MAP3K4: variants seen among roughly 807,000 people sequenced by gnomAD.
MAP3K4 encodes the protein mitogen-activated protein kinase kinase kinase 4, also known as MAP three kinase 1.
Under a neutral mutation model 185.6 loss-of-function variants are expected in MAP3K4, and 67 were observed. That is an observed-to-expected ratio of 0.36 (90% CI 0.30 to 0.44). The LOEUF (loss-of-function observed/expected upper bound fraction) is 0.44. MAP3K4 is among the 20% of genes least tolerant of loss of function. MAP3K4 has a pLI of 1.00. For synonymous variants in MAP3K4, 702 were observed against 710.4 expected, an observed-to-expected ratio of 0.99 and a Z score of 0.19; for missense variants, 1,551 against 1,995.1, an observed-to-expected ratio of 0.78 and a Z score of 4.24.
rs1778588287 is a variant in MAP3K4 at position 161,116,225 on chromosome 6, TG to T, written c.4807-622del. Among the ~76,000 whole-genome samples, 3 of 151,966 alleles carry T rather than the reference TG, an allele frequency of 2.0e-5. No individual in the cohort carries two copies. The South Asian group carries it at 6.2e-4, about 32-fold the overall frequency. ...GGGTGAGGGGTGGGTCGGGAGGTGGTGGGTCCTCTTTGGTGGATGAAGCTTG... is the reference window on the plus strand; with the variant it reads ...GGGTGAGGGGTGGGTCGGGAGGTGGTGGTCCTCTTTGGTGGATGAAGCTTG... On this transcript the variant is annotated intron_variant, in intron 26 of 26. Transcript: ENST00000392142. This position sits in a 1 kb window ranked among gnomAD's most constrained non-coding sequence, Gnocchi z 6.2.
rs1324249466 is a variant in MAP3K4, at chr6:161,088,540, T to TA, written c.2823+587dup. Among the ~76,000 whole-genome samples the TA allele has an allele frequency of 2.6e-5, 4 of 152,336 alleles. No homozygotes were observed. In the East Asian group the frequency reaches 5.8e-4, roughly 22 times the overall value. On this transcript the variant is annotated intron_variant, in intron 10 of 26. Coordinates refer to ENST00000392142, the MANE Select transcript of MAP3K4 (RefSeq NM_005922.4). This position sits in a 1 kb window ranked among gnomAD's most constrained non-coding sequence, Gnocchi z 4.5. ...CCTCACCCCAACAACTCTGCTTTTA[T>TA]ATTCCGTCTCAGTGAATGGTTCCGC... is the stretch of plus-strand genomic sequence containing the variant.
At chr6:161,102,802 TAAA>T (rs397886595) in intron 19 of MAP3K4, 23 bp downstream of exon 19, 23,081 of 588,610 alleles carry the variant, frequency 0.039, no homozygotes, top group South Asian at 0.05. Flanking sequence ...GTGTTGAAGT[TAAA>T]AAAAAAAAAA....
intron 19 of MAP3K4, among the ~76,000 whole-genome samples, chr6:161,104,486 G>A (rs1777974334): frequency 6.6e-6 from 1 of 151,754 alleles, no homozygotes; most frequent in Non-Finnish European, 1.5e-5. Flanking sequence ...GGCCAAGGCA[G>A]GTGGATCACG....
chr6:161,057,732 A>T (rs910984597), intron 3 of MAP3K4, among the ~76,000 whole-genome samples: 3 of 152,210 alleles, frequency 2.0e-5, no homozygotes, highest in African/African-American at 7.2e-5. Flanking sequence ...CAGTTGTTAG[A>T]GTTAACTTAT....
At position 161,049,335 on chromosome 6, in the gene MAP3K4, A is replaced by C. The variant is rs750870719; in HGVS notation, c.1063A>C (p.Lys355Gln). 1.9e-6 allele frequency: 3 copies of C among 1,614,184 alleles called. No individual in the cohort carries two copies. The Admixed American group carries it at 5.0e-5, about 27-fold the overall frequency. ...QRQRVSFEQV[K>Q]RIMELLEYIE... ...CCAGAGGGTCTCATTTGAGCAGGTA[A>C]AACGGATAATGGAGCTGCTAGAGTA... Residue 355 changes from lysine (K) to glutamine (Q), a missense_variant, in exon 3 of 27, where the codon AAA becomes CAA. Physicochemically the swap from Lys to Gln is moderately conservative, Grantham distance 53. Coordinates refer to ENST00000392142, the MANE Select transcript of MAP3K4 (RefSeq NM_005922.4). This position sits in a 1 kb window ranked among gnomAD's most constrained non-coding sequence, Gnocchi z 8.4.
Position 161,114,398 on chromosome 6 carries a change from G to A in MAP3K4, c.4627-725G>A, listed in dbSNP as rs115932174. On this transcript the variant is annotated intron_variant, in intron 25 of 26. Transcript: ENST00000392142. This position sits in a 1 kb window ranked among gnomAD's most constrained non-coding sequence, Gnocchi z 4.3. Reference sequence around the variant, plus strand: ...GTGTTAAGTTACTAGTAGGAAATCAGTTAATTATAATGTAGCTATGCCTTG... The same window carrying A: ...GTGTTAAGTTACTAGTAGGAAATCAATTAATTATAATGTAGCTATGCCTTG... Among the ~76,000 whole-genome samples the A allele has an allele frequency of 0.011, 1,733 of 152,282 alleles. 25 individuals carry two copies. Among genetic ancestry groups the A allele is most frequent in the African/African-American group, 0.039 (1,625 of 41,562 alleles).
At position 161,091,405 on chromosome 6, in the gene MAP3K4, G is replaced by C; in HGVS notation, c.3000G>C (p.Arg1000Ser). 1 of 1,613,994 alleles carries C rather than the reference G, an allele frequency of 6.2e-7. No individual in the cohort carries two copies. The highest frequency in any genetic ancestry group is 2.2e-5 in the East Asian group (1 of 44,856). ...ATGATGCATTGGAGCTATGCAACAG[G>C]ATAAGCAATGCCATTGACCGCGTGG... ...LKNDALELCN[R>S]ISNAIDRVDH... is the part of the protein sequence containing the mutation. Residue 1000 changes from arginine to serine, a missense_variant, in exon 12 of 27, where the codon AGG becomes AGC. This residue lies in a region of MAP3K4 where 261 missense variants were observed against 306.5 expected (regional missense o/e 0.85). Coordinates refer to ENST00000392142, the MANE Select transcript of MAP3K4 (RefSeq NM_005922.4). The surrounding 1 kb of genome is among the most constrained non-coding windows in gnomAD (Gnocchi z 5.5).
chr6:161,055,129 G>A (rs1454509965), intron 3 of MAP3K4, among the ~76,000 whole-genome samples: 1 of 152,110 alleles, frequency 6.6e-6, no homozygotes, highest in Non-Finnish European at 1.5e-5. Flanking sequence ...TCAATGACAG[G>A]GATTGTCTTG....
intron 2 of MAP3K4, among the ~76,000 whole-genome samples, chr6:161,042,770 C>T (rs766017631): frequency 1.3e-5 from 2 of 152,070 alleles, no homozygotes; most frequent in Non-Finnish European, 2.9e-5. Context: ...AAGCCAAAAC[C>T]CTTTCCAGGG....
At chr6:161,072,436 G>A (rs183161345) in intron 4 of MAP3K4, among the ~76,000 whole-genome samples, 8 of 152,266 alleles carry the variant, frequency 5.3e-5, no homozygotes, top group African/African-American at 1.4e-4. Context: ...ATGTGTGTGT[G>A]TGAGTTTTTT....
At chr6:161,038,518 A>G (rs1783288573) in intron 2 of MAP3K4, among the ~76,000 whole-genome samples, 2 of 152,260 alleles carry the variant, frequency 1.3e-5, no homozygotes, top group Admixed American at 6.5e-5. Context: ...TCTCTGAGTC[A>G]TACTATTAAC....
At chr6:161,019,422 C>A (rs10080366) in intron 1 of MAP3K4, among the ~76,000 whole-genome samples, 1 of 152,122 alleles carries the variant, frequency 6.6e-6, no homozygotes, top group East Asian at 1.9e-4. Context: ...CTCTTTCTTT[C>A]TATTTTTGAG....
At chr6:161,099,832 A>G (rs896651898) in intron 17 of MAP3K4, among the ~76,000 whole-genome samples, 3 of 152,232 alleles carry the variant, frequency 2.0e-5, no homozygotes, top group Admixed American at 1.3e-4. Flanking sequence ...GTATTTTAGT[A>G]TAAGAGTTAA....
At chr6:161,025,531 A>G (rs969834368) in intron 1 of MAP3K4, among the ~76,000 whole-genome samples, 6 of 152,190 alleles carry the variant, frequency 3.9e-5, no homozygotes, top group African/African-American at 1.4e-4. Context: ...CATAGGCCAT[A>G]TTTACAGTTA....
Position 161,067,295 on chromosome 6 carries a change from AGG to A in MAP3K4, c.1708-3312_1708-3311del, listed in dbSNP as rs1428083485. 2.3e-6 allele frequency: 1 copy of A among 430,240 alleles called. No homozygotes were observed. The highest frequency in any genetic ancestry group is 4.7e-6 in the Non-Finnish European group (1 of 214,652). 26.7% of individuals were successfully genotyped at this position (430,240 alleles called of 1,614,324 possible). ...AGCAGGGATGGGGCTTGCAGGTCAC[AGG>A]TAGGTAAGAGACAAAACGTTACATT... On this transcript the variant is annotated intron_variant, in intron 3 of 26. Coordinates refer to ENST00000392142, the MANE Select transcript of MAP3K4 (RefSeq NM_005922.4). This position sits in a 1 kb window ranked among gnomAD's most constrained non-coding sequence, Gnocchi z 6.3.
intron 1 of MAP3K4, among the ~76,000 whole-genome samples, chr6:161,024,893 A>G (rs1251186668): frequency 2.6e-5 from 4 of 152,016 alleles, no homozygotes; most frequent in Non-Finnish European, 4.4e-5. Context: ...AATTATTTGG[A>G]TTTTTATTTT....
rs570428630 is a variant in MAP3K4, at chr6:161,034,088, A to T, written c.153-171A>T. Among the ~76,000 whole-genome samples, 1 of 152,358 alleles carries T rather than the reference A, an allele frequency of 6.6e-6. No individual in the cohort carries two copies. Among genetic ancestry groups the T allele is most frequent in the Admixed American group, 6.5e-5 (1 of 15,300 alleles). On this transcript the variant is annotated intron_variant, in intron 1 of 26. Coordinates refer to ENST00000392142, the MANE Select transcript of MAP3K4 (RefSeq NM_005922.4). The surrounding 1 kb of genome is among the most constrained non-coding windows in gnomAD (Gnocchi z 4.4). ...TCACAATTATTACTCTCTTCAAGCA[A>T]AAGAAAAGTTCTCCTTTTGAGTTTT...
intron 17 of MAP3K4, among the ~76,000 whole-genome samples, chr6:161,099,201 G>T (rs1777719863): frequency 6.6e-6 from 1 of 152,180 alleles, no homozygotes; most frequent in African/African-American, 2.4e-5. Context: ...TAGATTGGGG[G>T]TATGTGATCT....
chr6:161,058,789 A>C (rs538670471), intron 3 of MAP3K4, among the ~76,000 whole-genome samples: 123 of 151,998 alleles, frequency 8.1e-4, no homozygotes, highest in Non-Finnish European at 1.4e-3. Flanking sequence ...TCTCGTTGTT[A>C]AATTCCATTT....
Sources: allele counts gnomAD v4.1 joint callset (sites outside exome capture counted in the v4.1 genomes callset), GRCh38; gene constraint gnomAD v4.1.1; regional missense constraint gnomAD v4.1.1; non-coding constraint Gnocchi (gnomAD v3.1); transcripts MANE v1.5; gene names NCBI Gene and HGNC (gene_info 2026-07-23, HGNC 2026-07-21).